The following C20orf173 variants were observed in gnomAD, a reference collection of about 807,000 sequenced individuals.
C20orf173 encodes chromosome 20 open reading frame 173.
C20orf173 carries 22 observed loss-of-function variants against 26.7 expected under a neutral mutation model. The observed-to-expected ratio is 0.82, with a 90% CI of 0.59 to 1.18. The LOEUF (loss-of-function observed/expected upper bound fraction) is 1.18, where lower values mean the gene tolerates loss of function less well. Among genes scored for constraint, C20orf173 ranks in the 50% most tolerant of loss-of-function variants. The pLI is 0.00. For synonymous variants in C20orf173, 85 were observed against 96.4 expected (o/e 0.88, Z 0.69); for missense variants, 210 against 250.3 (o/e 0.84, Z 1.09).
Position 35,528,810 on chromosome 20 carries a change from C to T in C20orf173, c.379G>A (p.Val127Met). ...CCACAATAGAAATCAAAATGGCTCA[C>T]CGAGAGCCTGGGAATCCCTTTAAAC... is the stretch of plus-strand genomic sequence containing the variant. ...KLFKGIPRLS[V>M]SHFDFYCGTC... Residue 127 changes from valine (V) to methionine (M), a missense_variant, in exon 3 of 6, where the codon GTG (valine) becomes ATG (methionine). Physicochemically the swap from Val to Met is conservative, Grantham distance 21. Coordinates refer to ENST00000444723, the MANE Select transcript of C20orf173 (RefSeq NM_001145350.2). The T allele has an allele frequency of 3.2e-6, 5 of 1,551,514 alleles. No homozygotes were observed. The highest frequency in any genetic ancestry group is 4.4e-6 in the Non-Finnish European group (5 of 1,146,950).
Position 35,529,284 on chromosome 20 carries a change from T to C in C20orf173, c.90A>G (p.Ser30=), listed in dbSNP as rs1325683208. 1.9e-6 allele frequency: 3 copies of C among 1,551,536 alleles called. No homozygotes were observed. Among genetic ancestry groups the C allele is most frequent in the Non-Finnish European group, 2.6e-6 (3 of 1,146,992 alleles). Residue 30 remains serine, a synonymous_variant, in exon 2 of 6, where the codon TCA becomes TCG. Coordinates refer to ENST00000444723, the MANE Select transcript of C20orf173 (RefSeq NM_001145350.2). ...MTPYLDLTPE[S]APQEKRMYLV... ...AGTACATTCGTTTTTCCTGGGGTGCTGATTCAGGTGTCAGATCCAGATAGG... is the reference window on the plus strand; with the variant it reads ...AGTACATTCGTTTTTCCTGGGGTGCCGATTCAGGTGTCAGATCCAGATAGG...
At chr20:35,528,097 C>CA in intron 5 of C20orf173, 136 bp downstream of exon 5, 1 of 724,032 alleles carries the variant, frequency 1.4e-6, no homozygotes, top group South Asian at 1.6e-5. Context: ...CCTTGGGCCC[C>CA]AGGGATGACC....
Position 35,528,236 on chromosome 20 carries a change from G to A in C20orf173, c.*22C>T. On this transcript the variant is annotated 3_prime_UTR_variant, in exon 5 of 6. Transcript: ENST00000444723. The stretch of plus-strand genomic sequence containing the variant: ...CCCTTTTCCTATTCCCCCTCACCGT[G>A]TCTTTGCTATCTTCCACTCCACTAG... 6.4e-7 allele frequency: 1 copy of A among 1,551,812 alleles called. No homozygotes were observed.
chr20:35,524,696 A>G (rs561332631), downstream of C20orf173, among the ~76,000 whole-genome samples: 108 of 146,980 alleles, frequency 7.3e-4, no homozygotes, highest in Non-Finnish European at 1.5e-3. Flanking sequence ...TTTGTTCATG[A>G]TAATTTTTTT....
rs1473203075 is a variant in C20orf173, at chr20:35,529,160, C to T, written c.214G>A (p.Glu72Lys). ...GAGCACGCATCAAGCCAGTTCCATT[C>T]GTCGGCTGTGTGGTGGCAGGAGGAG... ...NCSSCHHTAD[E>K]WNWLDACSRK... The change falls in exon 2 of 6, where the codon GAA becomes AAA. Residue 72 changes from glutamate (E) to lysine (K), a missense_variant. Glu to Lys is a moderately conservative substitution (Grantham distance 56, BLOSUM62 1). Coordinates refer to ENST00000444723, the MANE Select transcript of C20orf173 (RefSeq NM_001145350.2). 5 of 1,551,566 alleles carry T rather than the reference C, an allele frequency of 3.2e-6. No individual in the cohort carries two copies. Among genetic ancestry groups the T allele is most frequent in the Non-Finnish European group, 3.5e-6 (4 of 1,146,992 alleles).
chr20:35,526,628 CAA>C (rs1286748298), downstream of C20orf173, among the ~76,000 whole-genome samples: 115 of 53,548 alleles, frequency 2.1e-3, no homozygotes, highest in Middle Eastern at 9.3e-3. Flanking sequence ...ACTCTTGTCT[CAA>C]AAAAAAAAAA....
rs2147291310 is a variant in C20orf173 at position 35,529,419 on chromosome 20, C to T, written c.-46G>A. The T allele has an allele frequency of 1.3e-6, 2 of 1,482,602 alleles. No individual in the cohort carries two copies. The highest frequency in any genetic ancestry group is 1.9e-4 in the Middle Eastern group (1 of 5,290). 91.8% of individuals were successfully genotyped at this position (1,482,602 alleles called of 1,614,324 possible). A position where few individuals can be genotyped will look rare whatever the true frequency, so the allele number is the denominator to read the frequency against. On this transcript the variant is annotated 5_prime_UTR_variant, in exon 2 of 6. Transcript: ENST00000444723. ...CCCGTGGTGGGCCGTAGACTGGCTT[C>T]TCTACCTGTAAGGATGAGGGGCTGA...
Position 35,529,022 on chromosome 20 carries a change from G to A in C20orf173, c.309+43C>T, listed in dbSNP as rs2064529417. On this transcript the variant is annotated intron_variant, in intron 2 of 5. Transcript: ENST00000444723. ...GAAAGTGGGAGATGGGTGAGGCCCGGAAAGCATGGGGGATATGGCCGGGCC... is the reference window on the plus strand; with the variant it reads ...GAAAGTGGGAGATGGGTGAGGCCCGAAAAGCATGGGGGATATGGCCGGGCC... 2.6e-6 allele frequency: 4 copies of A among 1,539,516 alleles called. No individual in the cohort carries two copies. In the South Asian group the frequency reaches 4.8e-5, roughly 19 times the overall value.
chr20:35,521,498 T>C (rs2064474753), downstream of C20orf173, among the ~76,000 whole-genome samples: 1 of 151,778 alleles, frequency 6.6e-6, no homozygotes, highest in South Asian at 2.1e-4. Flanking sequence ...AGAAGTCCAG[T>C]GCGGGAATCT....
downstream of C20orf173, among the ~76,000 whole-genome samples, chr20:35,526,589 A>T (rs927257557): frequency 4.9e-5 from 7 of 143,398 alleles, no homozygotes; most frequent in South Asian, 2.2e-4. Context: ...TGATTGTGCC[A>T]CTCCATTCCA....
At position 35,528,831 on chromosome 20, in the gene C20orf173, T is replaced by C; in HGVS notation, c.358A>G (p.Lys120Glu). The change falls in exon 3 of 6, where the codon AAA becomes GAA. Residue 120 changes from lysine to glutamate, a missense_variant. Lys to Glu is a moderately conservative substitution (Grantham distance 56, BLOSUM62 1). Coordinates refer to ENST00000444723, the MANE Select transcript of C20orf173 (RefSeq NM_001145350.2). ...CTCACCGAGAGCCTGGGAATCCCTT[T>C]AAACAGCTTCCTCCACAATTTCCCA... is the stretch of plus-strand genomic sequence containing the variant. ...ELGKLWRKLF[K>E]GIPRLSVSHF... 6.4e-7 allele frequency: 1 copy of C among 1,551,344 alleles called. No homozygotes were observed. Among genetic ancestry groups the C allele is most frequent in the Admixed American group, 2.0e-5 (1 of 50,952 alleles).
chr20:35,524,251 G>A (rs1056937175), downstream of C20orf173, among the ~76,000 whole-genome samples: 9 of 151,758 alleles, frequency 5.9e-5, no homozygotes, highest in African/African-American at 9.7e-5. Context: ...AAACTCCTGA[G>A]CTCAAGTGAT....
At chr20:35,521,697 C>T (rs1172870380), downstream of C20orf173, among the ~76,000 whole-genome samples, 1 of 151,898 alleles carries the variant, frequency 6.6e-6, no homozygotes, top group Non-Finnish European at 1.5e-5. Context: ...CAACCTCCGC[C>T]TCCCAGGTTC....
chr20:35,525,413 G>A (rs224398), downstream of C20orf173, among the ~76,000 whole-genome samples: 669 of 152,234 alleles, frequency 4.4e-3, 7 homozygotes, highest in African/African-American at 0.016. Flanking sequence ...TTAGCCAGGC[G>A]TAGTGGCGGG....
chr20:35,523,792 G>T (rs1218434322), downstream of C20orf173, among the ~76,000 whole-genome samples: 1 of 152,178 alleles, frequency 6.6e-6, no homozygotes, highest in East Asian at 1.9e-4. Context: ...CCAGGCTGGG[G>T]TGGGTGAGCA....
intron 2 of C20orf173, 22 bp downstream of exon 2, chr20:35,529,043 G>A (rs780899860): frequency 1.6e-5 from 25 of 1,543,782 alleles, no homozygotes; most frequent in African/African-American, 1.4e-4. Flanking sequence ...GGATATGGCC[G>A]GGCCCAGTGT....
At chr20:35,528,390 A>G in intron 4 of C20orf173, 61 bp downstream of exon 4, 1 of 1,546,050 alleles carries the variant, frequency 6.5e-7, no homozygotes, top group South Asian at 1.2e-5. Context: ...CCCTGCTGTT[A>G]CTCCCTGCAG....
Position 35,529,425 on chromosome 20 carries a change from C to G in C20orf173, c.-51-1G>C. Reference sequence around the variant, plus strand: ...GTGGGCCGTAGACTGGCTTCTCTACCTGTAAGGATGAGGGGCTGAGGCCAC... The same window carrying G: ...GTGGGCCGTAGACTGGCTTCTCTACGTGTAAGGATGAGGGGCTGAGGCCAC... On this transcript the variant is annotated splice_acceptor_variant, in intron 1 of 5. Transcript: ENST00000444723. LOFTEE classifies it low-confidence loss of function (5UTR_SPLICE). 1 of 1,471,910 alleles carries G rather than the reference C, an allele frequency of 6.8e-7. No homozygotes were observed. The highest frequency in any genetic ancestry group is 9.0e-7 in the Non-Finnish European group (1 of 1,107,934). The allele number at this position is 1,471,910 out of a possible 1,614,324, so 91.2% of individuals were successfully genotyped here.
chr20:35,527,131 G>A lies in C20orf173; in HGVS notation c.*145C>T, dbSNP rs2064508249. The A allele has an allele frequency of 6.6e-6, 1 of 152,194 alleles. No homozygotes were observed. The highest frequency in any genetic ancestry group is 1.5e-5 in the Non-Finnish European group (1 of 68,044). The allele number at this position is 152,194 out of a possible 1,614,324, so 9.4% of individuals were successfully genotyped here. On this transcript the variant is annotated 3_prime_UTR_variant, in exon 6 of 6. Transcript: ENST00000444723. ...CACACGCTAGCTGATGGATGACTTC[G>A]ATTTCTGCTCCTGCACTAGACGTGG... is the stretch of plus-strand genomic sequence containing the variant.
Sources: gnomAD v4.1 joint callset for allele counts (sites outside exome capture counted in the v4.1 genomes callset) on GRCh38, gnomAD v4.1.1 for gene constraint, MANE v1.5 for transcripts, NCBI Gene and HGNC (gene_info 2026-07-23, HGNC 2026-07-21) for gene names.